The following PPP6R3 variants were observed in gnomAD, a reference collection of about 807,000 sequenced individuals.
The protein encoded by PPP6R3 is serine/threonine-protein phosphatase 6 regulatory subunit 3.
A neutral mutation model predicts 110.7 loss-of-function variants in PPP6R3; 38 were observed. That is an observed-to-expected ratio of 0.34 (90% CI 0.26 to 0.45). The LOEUF is 0.45. PPP6R3 is among the 20% of genes least tolerant of loss of function. The pLI is 1.00. For synonymous variants in PPP6R3, 369 were observed against 373.5 expected (o/e 0.99, Z 0.14); for missense variants, 870 against 1,062.4 (o/e 0.82, Z 2.52).
chr11:68,608,116 G>A (rs1941334441), intron 22 of PPP6R3, among the ~76,000 whole-genome samples: 2 of 150,926 alleles, frequency 1.3e-5, no homozygotes, highest in Non-Finnish European at 2.9e-5. Flanking sequence ...AAGAATTTCT[G>A]GTTGATAAAA....
rs773639447 is a variant in PPP6R3, at chr11:68,600,505, ATG to A, written c.2192+14_2192+15del. The A allele has an allele frequency of 1.9e-5, 31 of 1,611,808 alleles. No individual in the cohort carries two copies. The highest frequency in any genetic ancestry group is 5.1e-5 in the Admixed American group (3 of 59,218). On this transcript the variant is annotated intron_variant, in intron 20 of 23. Coordinates refer to ENST00000393800, the MANE Select transcript of PPP6R3 (RefSeq NM_001164161.2). ...CACGTCTTCCCTGAGGTGAGCGAAC[ATG>A]TGCTGTCTCTACACCCTTCCACGGG...
intron 1 of PPP6R3, among the ~76,000 whole-genome samples, chr11:68,475,344 TC>T (rs1232952146): frequency 2.6e-5 from 4 of 152,194 alleles, no homozygotes; most frequent in Non-Finnish European, 4.4e-5. Flanking sequence ...CAATCTGATT[TC>T]TCTGTCTTTT....
In PPP6R3 at chr11:68,582,951, A is replaced by G. The variant is rs535124435; in HGVS notation, c.1546-92A>G. 58 of 1,022,620 alleles carry G rather than the reference A, an allele frequency of 5.7e-5. No homozygotes were observed. The East Asian group carries it at 1.0e-3, about 18-fold the overall frequency. The allele number at this position is 1,022,620 out of a possible 1,614,324, so 63.3% of individuals were successfully genotyped here. Reference sequence around the variant, plus strand: ...ATTTTTTTCTGTTACACGTTGAGAAAAAAACTAAATGTGATTTTTCCATAA... The same window carrying G: ...ATTTTTTTCTGTTACACGTTGAGAAGAAAACTAAATGTGATTTTTCCATAA... On this transcript the variant is annotated intron_variant, in intron 14 of 23. Coordinates refer to ENST00000393800, the MANE Select transcript of PPP6R3 (RefSeq NM_001164161.2).
intron 1 of PPP6R3, among the ~76,000 whole-genome samples, chr11:68,479,601 G>A (rs867383708): frequency 1.3e-5 from 2 of 152,058 alleles, no homozygotes; most frequent in African/African-American, 4.8e-5. Flanking sequence ...GATGTCAGTC[G>A]TTTCTCTGCA....
intron 10 of PPP6R3, among the ~76,000 whole-genome samples, chr11:68,568,568 C>T (rs1357202603): frequency 6.6e-6 from 1 of 152,074 alleles, no homozygotes. Context: ...CCTTGTACTT[C>T]CAGGAGATTC....
intron 3 of PPP6R3, among the ~76,000 whole-genome samples, chr11:68,539,640 A>G (rs2099298939): frequency 6.6e-6 from 1 of 152,210 alleles, no homozygotes; most frequent in Admixed American, 6.5e-5. Flanking sequence ...TTCAGCTGGG[A>G]TCTGAAAGTG....
intron 19 of PPP6R3, among the ~76,000 whole-genome samples, chr11:68,599,098 A>G (rs1400701927): frequency 6.6e-6 from 1 of 152,206 alleles, no homozygotes; most frequent in African/African-American, 2.4e-5. Context: ...CTACACGGGT[A>G]CTTCTTAATC....
Position 68,613,276 on chromosome 11 carries a change from A to G in PPP6R3, c.*159A>G. On this transcript the variant is annotated 3_prime_UTR_variant, in exon 24 of 24. Coordinates refer to ENST00000393800, the MANE Select transcript of PPP6R3 (RefSeq NM_001164161.2). Reference sequence around the variant, plus strand: ...TATTCTAGATTCTAAGACATTGTACAGAGAAATTCAGAAGTGTAAAAATAT... The same window carrying G: ...TATTCTAGATTCTAAGACATTGTACGGAGAAATTCAGAAGTGTAAAAATAT... 1 of 1,376,188 alleles carries G rather than the reference A, an allele frequency of 7.3e-7. No homozygotes were observed. The highest frequency in any genetic ancestry group is 1.8e-5 in the South Asian group (1 of 55,526). 85.2% of individuals were successfully genotyped at this position (1,376,188 alleles called of 1,614,324 possible).
intron 1 of PPP6R3, among the ~76,000 whole-genome samples, chr11:68,499,243 T>C (rs2099035370): frequency 6.6e-6 from 1 of 152,104 alleles, no homozygotes; most frequent in African/African-American, 2.4e-5. Flanking sequence ...GGGAGTGGCA[T>C]GGTTGTCTGC....
rs558242627 is a variant in PPP6R3 at position 68,518,788 on chromosome 11, A to G, written c.-157-713A>G. ...ATGTAGTATGAGTTTTATGGGGGAA[A>G]GGCATTAGATGAACAGCATTGTTTT... On this transcript the variant is annotated intron_variant, in intron 1 of 23. Transcript: ENST00000393800. 3.3e-5 allele frequency among the ~76,000 whole-genome samples: 5 copies of G among 152,344 alleles called. No homozygotes were observed. In the South Asian group the frequency reaches 1.0e-3, roughly 32 times the overall value.
chr11:68,542,322 C>G (rs1253818394), intron 3 of PPP6R3, among the ~76,000 whole-genome samples: 1 of 138,792 alleles, frequency 7.2e-6, no homozygotes, highest in Non-Finnish European at 1.5e-5. Flanking sequence ...GAGGTCAGAG[C>G]CTATGGAGGA....
chr11:68,472,639 C>A (rs2098800318), intron 1 of PPP6R3, among the ~76,000 whole-genome samples: 1 of 150,114 alleles, frequency 6.7e-6, no homozygotes, highest in South Asian at 2.1e-4. Context: ...TTAATGACAA[C>A]ATTATTGAGA....
chr11:68,473,982 A>G (rs2098810407), intron 1 of PPP6R3, among the ~76,000 whole-genome samples: 1 of 151,670 alleles, frequency 6.6e-6, no homozygotes, highest in South Asian at 2.1e-4. Flanking sequence ...CCTTATGGCT[A>G]ATGCTGATGA....
At chr11:68,533,628 C>T (rs1300816679) in intron 2 of PPP6R3, among the ~76,000 whole-genome samples, 1 of 145,440 alleles carries the variant, frequency 6.9e-6, no homozygotes, top group Non-Finnish European at 1.5e-5. Flanking sequence ...TCACCTGAGT[C>T]CTGGAGGCAG....
chr11:68,609,444 T>C (rs947263312), intron 22 of PPP6R3: 23 of 824,356 alleles, frequency 2.8e-5, no homozygotes, highest in Non-Finnish European at 4.3e-5. Context: ...AGCAAAGTGC[T>C]TTAACTAAAG....
At chr11:68,531,427 TC>T (rs1461837693) in intron 2 of PPP6R3, among the ~76,000 whole-genome samples, 2 of 151,934 alleles carry the variant, frequency 1.3e-5, no homozygotes, top group African/African-American at 4.8e-5. Context: ...AGCCTCAACC[TC>T]CCAGGCTCAG....
At chr11:68,487,585 T>C (rs1163124786) in intron 1 of PPP6R3, among the ~76,000 whole-genome samples, 1 of 152,034 alleles carries the variant, frequency 6.6e-6, no homozygotes, top group East Asian at 1.9e-4. Context: ...AAAAAAATTG[T>C]ATTTTTTTTT....
rs1232334994 is a variant in PPP6R3 at position 68,590,599 on chromosome 11, A to G, written c.1731-61A>G. The G allele has an allele frequency of 2.7e-6, 4 of 1,467,960 alleles. No homozygotes were observed. The African/African-American group carries it at 5.6e-5, about 21-fold the overall frequency. The allele number at this position is 1,467,960 out of a possible 1,614,324, so 90.9% of individuals were successfully genotyped here. ...CTTAAATTTGGAAACTTTCATAAAT[A>G]CGGTTTCTGTGAGCTGATAGTAATT... On this transcript the variant is annotated intron_variant, in intron 16 of 23. Coordinates refer to ENST00000393800, the MANE Select transcript of PPP6R3 (RefSeq NM_001164161.2).
intron 1 of PPP6R3, among the ~76,000 whole-genome samples, chr11:68,517,500 G>C (rs367996387): frequency 6.6e-6 from 1 of 152,104 alleles, no homozygotes; most frequent in Non-Finnish European, 1.5e-5. Context: ...TTTCAAAGCC[G>C]AACAGAGAAT....
Sources: allele counts gnomAD v4.1 joint callset (sites outside exome capture counted in the v4.1 genomes callset), GRCh38; gene constraint gnomAD v4.1.1; transcripts MANE v1.5; gene names NCBI Gene and HGNC (gene_info 2026-07-23, HGNC 2026-07-21).